PDE8A: variants seen among roughly 807,000 people sequenced by gnomAD.
PDE8A encodes high affinity cAMP-specific and IBMX-insensitive 3',5'-cyclic phosphodiesterase 8A.
PDE8A carries 59 observed loss-of-function variants against 105.0 expected under a neutral mutation model. That is an observed-to-expected ratio of 0.56 (90% CI 0.46 to 0.70). The LOEUF (loss-of-function observed/expected upper bound fraction) is 0.70, where lower values mean the gene tolerates loss of function less well. Ranked by LOEUF, PDE8A falls within the 30% of genes least tolerant of loss-of-function variation. PDE8A has a pLI of 0.00. For synonymous variants in PDE8A, 355 were observed against 371.9 expected (o/e 0.95, Z 0.52); for missense variants, 1,014 against 1,045.9 (o/e 0.97, Z 0.42).
chr15:85,134,790 G>A (rs546055546), intron 20 of PDE8A, among the ~76,000 whole-genome samples: 5 of 152,280 alleles, frequency 3.3e-5, no homozygotes, highest in African/African-American at 9.6e-5. Flanking sequence ...ATGGAGAGCC[G>A]GAGTGAGTTG....
At chr15:85,042,173 T>G (rs775778634) in intron 1 of PDE8A, among the ~76,000 whole-genome samples, 10 of 151,944 alleles carry the variant, frequency 6.6e-5, no homozygotes, top group Non-Finnish European at 5.9e-5. Context: ...TTGTTTTTTG[T>G]TTTTTTGTTT....
chr15:85,124,714 T>C (rs1433293298), intron 19 of PDE8A, among the ~76,000 whole-genome samples: 1 of 152,314 alleles, frequency 6.6e-6, no homozygotes, highest in Non-Finnish European at 1.5e-5. Context: ...TTCCAAAGAC[T>C]TTTAACAGAG....
intron 6 of PDE8A, among the ~76,000 whole-genome samples, chr15:85,087,942 G>A (rs767709258): frequency 3.3e-5 from 5 of 152,036 alleles, no homozygotes; most frequent in Non-Finnish European, 5.9e-5. Context: ...GGGATTTCAG[G>A]TTATTTGATC....
intron 1 of PDE8A, among the ~76,000 whole-genome samples, chr15:84,994,627 A>G (rs1457451044): frequency 6.6e-6 from 1 of 152,240 alleles, no homozygotes; most frequent in Non-Finnish European, 1.5e-5. Context: ...CCATGTATCC[A>G]TTCTTCTACC....
intron 1 of PDE8A, among the ~76,000 whole-genome samples, chr15:84,988,771 G>A (rs956283726): frequency 2.0e-5 from 3 of 152,180 alleles, no homozygotes; most frequent in Admixed American, 6.5e-5. Context: ...TCCTGTATCC[G>A]TGTGAGCCTA....
chr15:85,130,507 T>C (rs1198532877), intron 20 of PDE8A, among the ~76,000 whole-genome samples: 5 of 152,174 alleles, frequency 3.3e-5, no homozygotes, highest in Non-Finnish European at 7.4e-5. Flanking sequence ...TCCTGGAGAA[T>C]GTTCCATTTG....
At chr15:85,072,805 G>A (rs557254304) in intron 3 of PDE8A, among the ~76,000 whole-genome samples, 23 of 152,254 alleles carry the variant, frequency 1.5e-4, no homozygotes, top group Non-Finnish European at 2.6e-4. Flanking sequence ...AAACCAAGTA[G>A]CATGCTTTTA....
chr15:85,022,158 A>G (rs2080437223), intron 1 of PDE8A, among the ~76,000 whole-genome samples: 4 of 152,192 alleles, frequency 2.6e-5, no homozygotes, highest in Non-Finnish European at 5.9e-5. Context: ...CATGGGTAGC[A>G]TGTTTTGACA....
chr15:85,101,391 G>A (rs374212423), intron 11 of PDE8A, among the ~76,000 whole-genome samples: 15 of 152,296 alleles, frequency 9.8e-5, no homozygotes, highest in African/African-American at 3.4e-4. Flanking sequence ...ATGTGAGCGG[G>A]AAAGCATTCC....
chr15:85,101,395 G>A (rs923788383), intron 11 of PDE8A, among the ~76,000 whole-genome samples: 4 of 152,214 alleles, frequency 2.6e-5, no homozygotes, highest in African/African-American at 9.7e-5. Context: ...GAGCGGGAAA[G>A]CATTCCAGCA....
At chr15:85,107,073 T>TACTA (rs2081958057) in intron 11 of PDE8A, among the ~76,000 whole-genome samples, 1 of 152,202 alleles carries the variant, frequency 6.6e-6, no homozygotes, top group Admixed American at 6.5e-5. Flanking sequence ...AGCAGGCTGT[T>TACTA]ACCCAGCACT....
intron 1 of PDE8A, among the ~76,000 whole-genome samples, chr15:85,061,973 C>G (rs1177419960): frequency 6.6e-6 from 1 of 152,036 alleles, no homozygotes; most frequent in Non-Finnish European, 1.5e-5. Flanking sequence ...CATCTCTTTA[C>G]TTAGATTTTC....
At chr15:85,021,897 T>C (rs569207059) in intron 1 of PDE8A, among the ~76,000 whole-genome samples, 20 of 152,346 alleles carry the variant, frequency 1.3e-4, no homozygotes, top group Non-Finnish European at 2.5e-4. Context: ...CTGCATCATA[T>C]CAGAAGGCAC....
intron 1 of PDE8A, among the ~76,000 whole-genome samples, chr15:85,008,368 T>C (rs2141326465): frequency 6.6e-6 from 1 of 152,108 alleles, no homozygotes; most frequent in Middle Eastern, 3.4e-3. Context: ...TAATACTCTG[T>C]CAGACCCCAT....
At chr15:85,079,226 A>G (rs1434745684) in intron 5 of PDE8A, among the ~76,000 whole-genome samples, 3 of 152,232 alleles carry the variant, frequency 2.0e-5, no homozygotes, top group Admixed American at 1.3e-4. Flanking sequence ...AGGAATTTTA[A>G]TAATAGCTCA....
In PDE8A at chr15:84,982,368, C is replaced by G. The variant is rs1362216351; in HGVS notation, c.186+20C>G. ...AAGAAGGTAAGGGGCGCCGGGCACT[C>G]TGGGGCCGCCGCGAAACTCGGGCCC... On this transcript the variant is annotated intron_variant, in intron 1 of 21. Transcript: ENST00000394553. 1 of 1,293,194 alleles carries G rather than the reference C, an allele frequency of 7.7e-7. No homozygotes were observed. The highest frequency in any genetic ancestry group is 2.3e-5 in the South Asian group (1 of 43,022). The allele number at this position is 1,293,194 out of a possible 1,614,324, so 80.1% of individuals were successfully genotyped here. A position where few individuals can be genotyped will look rare whatever the true frequency, so the allele number is the denominator to read the frequency against.
intron 1 of PDE8A, among the ~76,000 whole-genome samples, chr15:85,059,161 T>C (rs1034993334): frequency 1.3e-5 from 2 of 152,236 alleles, no homozygotes; most frequent in Non-Finnish European, 2.9e-5. Flanking sequence ...TTGTGTTGTT[T>C]AATTTCCACA....
At chr15:85,102,965 A>C (rs898974262) in intron 11 of PDE8A, among the ~76,000 whole-genome samples, 1 of 152,170 alleles carries the variant, frequency 6.6e-6, no homozygotes, top group Non-Finnish European at 1.5e-5. Context: ...TCACACCTCT[A>C]ATCCTAGCAC....
chr15:85,121,010 G>A lies in PDE8A; in HGVS notation c.1948G>A (p.Glu650Lys), dbSNP rs764261062. The A allele has an allele frequency of 2.5e-6, 4 of 1,595,402 alleles. No homozygotes were observed. Among genetic ancestry groups the A allele is most frequent in the Non-Finnish European group, 3.4e-6 (4 of 1,165,214 alleles). Residue 650 changes from glutamate (E) to lysine (K), a missense_variant, in exon 18 of 22, where the codon GAG (glutamate) becomes AAG (lysine). By Grantham distance (56) the Glu-to-Lys change is moderately conservative. Coordinates refer to ENST00000394553, the MANE Select transcript of PDE8A (RefSeq NM_002605.3). ...TAAATGCAATATATTTAAAAACATG[G>A]AGAGGTAAGAACAATGATTGGGAAG... ...DDKCNIFKNM[E>K]RNDYRTLRQG... is the part of the protein sequence containing the mutation.
Sources: allele counts gnomAD v4.1 joint callset (sites outside exome capture counted in the v4.1 genomes callset), GRCh38; gene constraint gnomAD v4.1.1; transcripts MANE v1.5; gene names NCBI Gene and HGNC (gene_info 2026-07-23, HGNC 2026-07-21).